Variants in PACRG observed in about 807,000 individuals in gnomAD.
The protein encoded by PACRG is parkin coregulated.
Under a neutral mutation model 29.7 loss-of-function variants are expected in PACRG, and 29 were observed. That is an observed-to-expected ratio of 0.98 (90% confidence interval 0.73 to 1.33). The LOEUF (loss-of-function observed/expected upper bound fraction) is 1.33. PACRG is among the 40% of genes most tolerant of loss of function. The probability of loss-of-function intolerance (pLI) is 0.00; values close to 1 mark genes in which losing one functional copy is unlikely to be tolerated. For synonymous variants in PACRG, 116 were observed against 118.7 expected, an observed-to-expected ratio of 0.98 and a Z score of 0.15; for missense variants, 279 against 316.2, an observed-to-expected ratio of 0.88 and a Z score of 0.89.
At chr6:162,776,017 G>A (rs919271287) in intron 1 of PACRG, among the ~76,000 whole-genome samples, 4 of 152,042 alleles carry the variant, frequency 2.6e-5, no homozygotes, top group Non-Finnish European at 4.4e-5. Flanking sequence ...ATAAAATTAG[G>A]TGAGAAACTT....
intron 2 of PACRG, among the ~76,000 whole-genome samples, chr6:162,814,525 A>G (rs1320760408): frequency 1.3e-5 from 2 of 152,000 alleles, no homozygotes; most frequent in African/African-American, 4.8e-5. Flanking sequence ...CTGCTGCCCA[A>G]TTCATCTCTA....
At chr6:163,228,953 G>C (rs1781915263) in intron 4 of PACRG, among the ~76,000 whole-genome samples, 1 of 152,184 alleles carries the variant, frequency 6.6e-6, no homozygotes, top group Non-Finnish European at 1.5e-5. Context: ...CTGAAAATAG[G>C]ATGGAAGGGA....
At chr6:163,186,566 A>G (rs944401531) in intron 4 of PACRG, among the ~76,000 whole-genome samples, 1 of 152,026 alleles carries the variant, frequency 6.6e-6, no homozygotes, top group Non-Finnish European at 1.5e-5. Context: ...GATTCTTACT[A>G]AGAGTTGGAA....
At chr6:162,827,872 C>T (rs1788418824) in intron 2 of PACRG, among the ~76,000 whole-genome samples, 1 of 151,918 alleles carries the variant, frequency 6.6e-6, no homozygotes, top group Non-Finnish European at 1.5e-5. Context: ...CCTGACTTTC[C>T]CAGGCCAGAT....
chr6:163,058,536 G>A lies in PACRG; in HGVS notation c.292-3614G>A, dbSNP rs748308537. Among the ~76,000 whole-genome samples, 12 of 152,228 alleles carry A rather than the reference G, an allele frequency of 7.9e-5. No individual in the cohort carries two copies. In the South Asian group the frequency reaches 1.7e-3, roughly 21 times the overall value. ...GCCTGTAATCCCATCACTTTGGGAG[G>A]CCGAGGTGGGTGGATCACCTAAGGC... On this transcript the variant is annotated intron_variant, in intron 2 of 4. Transcript: ENST00000366888.
chr6:163,290,947 CCTG>C (rs1276653982), intron 4 of PACRG, among the ~76,000 whole-genome samples: 1 of 152,156 alleles, frequency 6.6e-6, no homozygotes, highest in African/African-American at 2.4e-5. Flanking sequence ...CCTCTGCTTT[CCTG>C]GTCAAAGGTT....
intron 1 of PACRG, among the ~76,000 whole-genome samples, chr6:162,789,963 C>T (rs776679641): frequency 7.9e-5 from 12 of 152,114 alleles, no homozygotes; most frequent in Non-Finnish European, 1.5e-4. Flanking sequence ...ATCATAAAAT[C>T]ACATTTAGCA....
chr6:162,967,717 C>T (rs1215060478), intron 2 of PACRG, among the ~76,000 whole-genome samples: 2 of 151,964 alleles, frequency 1.3e-5, no homozygotes, highest in Non-Finnish European at 2.9e-5. Context: ...CCATGTTAGC[C>T]GGGATGGTCT....
At chr6:162,776,831 A>G (rs2128308685) in intron 1 of PACRG, among the ~76,000 whole-genome samples, 1 of 152,290 alleles carries the variant, frequency 6.6e-6, no homozygotes, top group East Asian at 1.9e-4. Context: ...TCAGGTAAAA[A>G]TATTTGTGAT....
At chr6:163,093,011 T>C (rs1814252981) in intron 4 of PACRG, among the ~76,000 whole-genome samples, 1 of 152,238 alleles carries the variant, frequency 6.6e-6, no homozygotes, top group Non-Finnish European at 1.5e-5. Flanking sequence ...TTGCTTCAAA[T>C]GGTTCATTTT....
At chr6:162,851,734 A>G (rs9356068) in intron 2 of PACRG, among the ~76,000 whole-genome samples, 9,701 of 152,026 alleles carry the variant, frequency 0.064, 445 homozygotes, top group East Asian at 0.26. Flanking sequence ...TTATTCTGAA[A>G]ATTATTATTG....
At chr6:162,810,293 C>A (rs1444176716) in intron 1 of PACRG, among the ~76,000 whole-genome samples, 1 of 152,156 alleles carries the variant, frequency 6.6e-6, no homozygotes, top group Non-Finnish European at 1.5e-5. Flanking sequence ...TAAGGTAGCA[C>A]CCTTCCCCCA....
intron 4 of PACRG, among the ~76,000 whole-genome samples, chr6:163,307,495 T>A (rs2128192159): frequency 6.6e-6 from 1 of 152,306 alleles, no homozygotes; most frequent in East Asian, 1.9e-4. Flanking sequence ...TAAGTTTTGG[T>A]TGAAAAACCA....
chr6:162,999,594 G>A (rs4709670), intron 2 of PACRG, among the ~76,000 whole-genome samples: 79,776 of 152,108 alleles, frequency 0.52, 23,218 homozygotes, highest in African/African-American at 0.78. Context: ...GGCCTTCTAT[G>A]TATTTCCTTA....
At chr6:162,989,684 A>G (rs1313460512) in intron 2 of PACRG, among the ~76,000 whole-genome samples, 2 of 148,898 alleles carry the variant, frequency 1.3e-5, no homozygotes, top group African/African-American at 5.0e-5. Flanking sequence ...CAGATTGAAA[A>G]CCCGCAGATA....
chr6:162,919,234 T>A (rs1796899433), intron 2 of PACRG, among the ~76,000 whole-genome samples: 1 of 152,170 alleles, frequency 6.6e-6, no homozygotes, highest in Non-Finnish European at 1.5e-5. Flanking sequence ...AGAAAAACAA[T>A]ATCTTTTTGA....
intron 1 of PACRG, among the ~76,000 whole-genome samples, chr6:162,764,682 T>G (rs1441937257): frequency 2.0e-5 from 3 of 152,152 alleles, no homozygotes; most frequent in South Asian, 4.1e-4. Flanking sequence ...CTGAGAATTT[T>G]ATATTTAAAT....
At chr6:163,033,877 C>T (rs1807904393) in intron 2 of PACRG, among the ~76,000 whole-genome samples, 1 of 152,192 alleles carries the variant, frequency 6.6e-6, no homozygotes, top group Admixed American at 6.5e-5. Context: ...CCTTGAACAG[C>T]AGTCTTACAG....
chr6:162,912,508 A>G lies in PACRG; in HGVS notation c.291+98227A>G, dbSNP rs981960499. On this transcript the variant is annotated intron_variant, in intron 2 of 4. Transcript: ENST00000366888. Reference sequence around the variant, plus strand: ...CTGCCACTGTAGTAAGTGTAAGTGAAGTTTCCTGTATACACTATGATACAT... The same window carrying G: ...CTGCCACTGTAGTAAGTGTAAGTGAGGTTTCCTGTATACACTATGATACAT... Among the ~76,000 whole-genome samples, 10 of 152,186 alleles carry G rather than the reference A, an allele frequency of 6.6e-5. No homozygotes were observed. The South Asian group carries it at 2.1e-3, about 32-fold the overall frequency.
Sources: gnomAD v4.1 joint callset for allele counts (sites outside exome capture counted in the v4.1 genomes callset) on GRCh38, gnomAD v4.1.1 for gene constraint, MANE v1.5 for transcripts, NCBI Gene and HGNC (gene_info 2026-07-23, HGNC 2026-07-21) for gene names.